Variants in SNX10 observed in about 807,000 individuals in gnomAD.
SNX10 encodes the protein sorting nexin 10.
In SNX10, 25 loss-of-function variants were observed where a neutral mutation model predicts 28.5. That is an observed-to-expected ratio of 0.88 (90% CI 0.64 to 1.22). The LOEUF (loss-of-function observed/expected upper bound fraction) is 1.22. Ranked by LOEUF, SNX10 falls within the 50% of genes most tolerant of loss-of-function variation. The pLI, the probability that SNX10 is intolerant of heterozygous loss-of-function variation, is 0.00. For synonymous variants in SNX10, 62 were observed against 81.4 expected, an observed-to-expected ratio of 0.76 and a Z score of 1.28; for missense variants, 223 against 242.6, an observed-to-expected ratio of 0.92 and a Z score of 0.54.
At chr7:26,296,492 G>A (rs1265264102) in intron 1 of SNX10, among the ~76,000 whole-genome samples, 6 of 151,992 alleles carry the variant, frequency 3.9e-5, no homozygotes, top group Non-Finnish European at 8.8e-5. Context: ...CTCCAGCCTC[G>A]GTGACACAGT....
At position 26,342,134 on chromosome 7, in the gene SNX10, C is replaced by T. The variant is rs143453034; in HGVS notation, c.-23-4286C>T. 6.2e-3 allele frequency among the ~76,000 whole-genome samples: 926 copies of T among 150,474 alleles called. 10 individuals are homozygous for T. Among genetic ancestry groups the T allele is most frequent in the African/African-American group, 0.021 (867 of 40,870 alleles). On this transcript the variant is annotated intron_variant, in intron 1 of 6. Coordinates refer to ENST00000338523, the MANE Select transcript of SNX10 (RefSeq NM_013322.3). ...CTGCACCTCCCAAGTTCAAGTGATT[C>T]TCCTGCCTCAGCCTCCCAAGTAGCT... is the stretch of plus-strand genomic sequence containing the variant.
intron 1 of SNX10, among the ~76,000 whole-genome samples, chr7:26,319,210 G>A (rs1018140618): frequency 2.6e-5 from 4 of 152,186 alleles, no homozygotes; most frequent in Non-Finnish European, 4.4e-5. Flanking sequence ...ATCAGTAGAC[G>A]TAGATATTGT....
At chr7:26,367,376 T>A (rs1468860416) in intron 5 of SNX10, among the ~76,000 whole-genome samples, 1 of 152,234 alleles carries the variant, frequency 6.6e-6, no homozygotes, top group East Asian at 1.9e-4. Context: ...GTCATCCGAT[T>A]GGATTGTCAA....
intron 1 of SNX10, among the ~76,000 whole-genome samples, chr7:26,299,388 G>T (rs1281596083): frequency 1.3e-5 from 2 of 152,052 alleles, no homozygotes; most frequent in Non-Finnish European, 2.9e-5. Flanking sequence ...TAGAGACGGG[G>T]TTTCACCATG....
intron 1 of SNX10, among the ~76,000 whole-genome samples, chr7:26,323,075 T>G (rs1453216002): frequency 2.0e-5 from 3 of 151,816 alleles, no homozygotes; most frequent in African/African-American, 7.3e-5. Flanking sequence ...TAGTGAGATA[T>G]TATCTCTATA....
At chr7:26,346,341 T>C in intron 1 of SNX10, 79 bp from the exon 2 acceptor site, 2 of 870,462 alleles carry the variant, frequency 2.3e-6, no homozygotes, top group Middle Eastern at 2.3e-4. Context: ...TCAGGGGATT[T>C]GGGTGGGAGG....
intron 1 of SNX10, among the ~76,000 whole-genome samples, chr7:26,342,595 TAA>T (rs1174225048): frequency 6.6e-6 from 1 of 152,198 alleles, no homozygotes; most frequent in Admixed American, 6.5e-5. Context: ...TTACTGTATT[TAA>T]AATAATTATT....
intron 1 of SNX10, among the ~76,000 whole-genome samples, chr7:26,314,464 G>T (rs558271182): frequency 1.3e-5 from 2 of 152,138 alleles, no homozygotes; most frequent in Non-Finnish European, 2.9e-5. Flanking sequence ...ATGTTAGCCA[G>T]ACTGGCAATA....
intron 1 of SNX10, among the ~76,000 whole-genome samples, chr7:26,309,154 T>G (rs937671276): frequency 6.6e-6 from 1 of 152,196 alleles, no homozygotes; most frequent in Non-Finnish European, 1.5e-5. Flanking sequence ...CACAGGCTGG[T>G]CCTGTTTTCT....
intron 1 of SNX10, among the ~76,000 whole-genome samples, chr7:26,327,272 T>A (rs1268367660): frequency 2.0e-5 from 3 of 152,134 alleles, no homozygotes. Flanking sequence ...TCTTTTGAAG[T>A]GCAGCCCTTC....
intron 1 of SNX10, among the ~76,000 whole-genome samples, chr7:26,333,875 C>A (rs1787831824): frequency 6.6e-6 from 1 of 152,120 alleles, no homozygotes; most frequent in African/African-American, 2.4e-5. Context: ...CAATGATTTC[C>A]CCCTTTTCCC....
intron 1 of SNX10, among the ~76,000 whole-genome samples, chr7:26,320,554 T>A (rs1198793064): frequency 6.6e-6 from 1 of 152,116 alleles, no homozygotes; most frequent in African/African-American, 2.4e-5. Context: ...TGCCTCAGCC[T>A]CCCGAGTAGC....
At chr7:26,331,776 C>T (rs1278520930) in intron 1 of SNX10, among the ~76,000 whole-genome samples, 3 of 152,118 alleles carry the variant, frequency 2.0e-5, no homozygotes, top group African/African-American at 7.2e-5. Context: ...GTCCCAGTCC[C>T]AGTAGCTACA....
intron 1 of SNX10, among the ~76,000 whole-genome samples, chr7:26,320,641 C>T (rs181713928): frequency 6.6e-6 from 1 of 152,148 alleles, no homozygotes; most frequent in East Asian, 1.9e-4. Flanking sequence ...ACCATATTGG[C>T]CAGGCTGGTC....
chr7:26,335,526 G>T (rs1189278869), intron 1 of SNX10, among the ~76,000 whole-genome samples: 1 of 151,924 alleles, frequency 6.6e-6, no homozygotes, highest in Non-Finnish European at 1.5e-5. Flanking sequence ...ACTGTGTCTG[G>T]GGAGGGTCAT....
At chr7:26,301,797 G>A (rs1159597288) in intron 1 of SNX10, among the ~76,000 whole-genome samples, 1 of 152,158 alleles carries the variant, frequency 6.6e-6, no homozygotes, top group Non-Finnish European at 1.5e-5. Context: ...GACAGGATTT[G>A]AGCCACAGCT....
Position 26,372,521 on chromosome 7 carries a change from T to C in SNX10, c.555T>C (p.Asp185=). 1 of 1,610,040 alleles carries C rather than the reference T, an allele frequency of 6.2e-7. No individual in the cohort carries two copies. The highest frequency in any genetic ancestry group is 8.5e-7 in the Non-Finnish European group (1 of 1,176,328). ...SSSSGLGHSS[D]DSSSHGCKVN... ...CCTCTGGGCTTGGACACAGTAGTGA[T>C]GACAGCAGTTCACATGGATGTAAAG... The change falls in exon 7 of 7, where the codon GAT becomes GAC. Residue 185 remains aspartate, a synonymous_variant. Coordinates refer to ENST00000338523, the MANE Select transcript of SNX10 (RefSeq NM_013322.3).
intron 1 of SNX10, among the ~76,000 whole-genome samples, chr7:26,319,060 A>T (rs1226481469): frequency 6.6e-6 from 1 of 152,212 alleles, no homozygotes; most frequent in Non-Finnish European, 1.5e-5. Context: ...ATTGGAGATG[A>T]TCAAACCCCT....
chr7:26,335,493 G>C, intron 1 of SNX10, among the ~76,000 whole-genome samples: 1 of 152,128 alleles, frequency 6.6e-6, no homozygotes, highest in South Asian at 2.1e-4. Flanking sequence ...TTTCGAGTCA[G>C]ACATCCATCC....
Sources: allele counts gnomAD v4.1 joint callset (sites outside exome capture counted in the v4.1 genomes callset), GRCh38; gene constraint gnomAD v4.1.1; transcripts MANE v1.5; gene names NCBI Gene and HGNC (gene_info 2026-07-23, HGNC 2026-07-21).